Variants in FHIT observed in about 807,000 individuals in gnomAD.
The protein encoded by FHIT is fragile histidine triad diadenosine triphosphatase.
Under a neutral mutation model 17.9 loss-of-function variants are expected in FHIT, and 19 were observed. The ratio of observed to expected loss-of-function variants is 1.06; its 90% CI spans 0.74 to 1.56. The LOEUF is 1.56. Ranked by LOEUF, FHIT falls within the 40% of genes most tolerant of loss-of-function variation. The probability of loss-of-function intolerance (pLI) is 0.00; values close to 1 mark genes in which losing one functional copy is unlikely to be tolerated. For missense variants in FHIT, 248 were observed against 189.2 expected, an observed-to-expected ratio of 1.31 and a Z score of -1.82; for synonymous variants, 81 against 69.7, an observed-to-expected ratio of 1.16 and a Z score of -0.81.
At chr3:60,339,348 A>T (rs1046676199) in intron 5 of FHIT, among the ~76,000 whole-genome samples, 3 of 152,184 alleles carry the variant, frequency 2.0e-5, no homozygotes, top group African/African-American at 7.2e-5. Context: ...CTGAATCCAT[A>T]TCTGAAACAA....
intron 5 of FHIT, among the ~76,000 whole-genome samples, chr3:60,424,819 G>A (rs886414062): frequency 6.6e-6 from 1 of 152,100 alleles, no homozygotes; most frequent in Non-Finnish European, 1.5e-5. Context: ...CCATTGTGGG[G>A]TGTCATTTCT....
intron 4 of FHIT, among the ~76,000 whole-genome samples, chr3:60,574,667 C>G (rs1430743489): frequency 1.3e-5 from 2 of 152,104 alleles, no homozygotes; most frequent in African/African-American, 4.8e-5. Context: ...TCCAACGTAA[C>G]ACTTTGAAAC....
At chr3:60,014,777 T>A (rs79384463) in intron 5 of FHIT, among the ~76,000 whole-genome samples, 4,863 of 152,182 alleles carry the variant, frequency 0.032, 252 homozygotes, top group African/African-American at 0.11. Flanking sequence ...TTTTTTAGAA[T>A]CCAAAAGAAG....
chr3:60,953,363 C>G (rs1287347409), intron 3 of FHIT, among the ~76,000 whole-genome samples: 1 of 152,056 alleles, frequency 6.6e-6, no homozygotes, highest in Non-Finnish European at 1.5e-5. Context: ...TTCCAAGGCT[C>G]GAACTGGATT....
In FHIT at chr3:60,362,074, TA is replaced by T. The variant is rs200403965; in HGVS notation, c.103+174785del. Among the ~76,000 whole-genome samples, 36 of 151,614 alleles carry T rather than the reference TA, an allele frequency of 2.4e-4. 1 individual carries two copies. The highest frequency in any genetic ancestry group is 1.5e-3 in the Admixed American group (23 of 15,216). ...AATCTCAGTGTTTAATACTGAGATT[TA>T]AAAAAAAATAATTTTATTGTGTGCA... On this transcript the variant is annotated intron_variant, in intron 5 of 9. Transcript: ENST00000492590.
At chr3:59,913,761 T>C (rs1193671301) in intron 8 of FHIT, among the ~76,000 whole-genome samples, 1 of 152,180 alleles carries the variant, frequency 6.6e-6, no homozygotes, top group African/African-American at 2.4e-5. Flanking sequence ...TTTTCCCCCA[T>C]TTTAAATATG....
intron 4 of FHIT, among the ~76,000 whole-genome samples, chr3:60,757,574 C>A (rs1553718628): frequency 6.6e-6 from 1 of 152,100 alleles, no homozygotes; most frequent in East Asian, 1.9e-4. Context: ...ATGCTAAGAG[C>A]CGGTGAGGAC....
intron 4 of FHIT, among the ~76,000 whole-genome samples, chr3:60,720,014 C>T (rs375917125): frequency 4.6e-5 from 7 of 152,192 alleles, no homozygotes; most frequent in African/African-American, 1.4e-4. Context: ...TCAGAGCTTC[C>T]ATGAGCTCTC....
At chr3:60,844,509 T>A (rs1313312182) in intron 3 of FHIT, among the ~76,000 whole-genome samples, 1 of 152,080 alleles carries the variant, frequency 6.6e-6, no homozygotes, top group Non-Finnish European at 1.5e-5. Flanking sequence ...TTTCTATTTT[T>A]TTAAAAAAAA....
Position 59,809,184 on chromosome 3 carries a change from A to C in FHIT, c.349-56863T>G, listed in dbSNP as rs145093986. 1.4e-3 allele frequency among the ~76,000 whole-genome samples: 214 copies of C among 152,280 alleles called. 1 individual carries two copies. The highest frequency in any genetic ancestry group is 2.9e-3 in the African/African-American group (122 of 41,562). On this transcript the variant is annotated intron_variant, in intron 8 of 9. Coordinates refer to ENST00000492590, the MANE Select transcript of FHIT (RefSeq NM_002012.4). ...AGCCTCAGAATGTGACCTTATTTGG[A>C]AAGAGGTCTTGGGAGATGTTATTAG...
intron 4 of FHIT, among the ~76,000 whole-genome samples, chr3:60,647,832 G>A (rs2107801714): frequency 6.6e-6 from 1 of 152,294 alleles, no homozygotes; most frequent in South Asian, 2.1e-4. Flanking sequence ...AAAAGGATGG[G>A]AAAAGCTAGT....
chr3:60,991,845 T>C (rs6797228), intron 3 of FHIT, among the ~76,000 whole-genome samples: 3 of 151,786 alleles, frequency 2.0e-5, no homozygotes, highest in Admixed American at 1.3e-4. Context: ...AAGAGAAGCA[T>C]AAGGTAAAGC....
At chr3:60,426,142 T>C (rs1275701980) in intron 5 of FHIT, among the ~76,000 whole-genome samples, 1 of 152,086 alleles carries the variant, frequency 6.6e-6, no homozygotes, top group Non-Finnish European at 1.5e-5. Flanking sequence ...ACTTATAAGC[T>C]CATTGACCTT....
intron 8 of FHIT, among the ~76,000 whole-genome samples, chr3:59,921,990 T>C (rs1017417105): frequency 6.6e-6 from 1 of 152,204 alleles, no homozygotes; most frequent in African/African-American, 2.4e-5. Flanking sequence ...ACTAAAAGAA[T>C]CATATATCAA....
chr3:59,889,405 C>G (rs139089085), intron 8 of FHIT, among the ~76,000 whole-genome samples: 4 of 152,320 alleles, frequency 2.6e-5, no homozygotes, highest in African/African-American at 9.6e-5. Flanking sequence ...AATCATAATT[C>G]TAGCACACGT....
chr3:61,062,775 TAAAG>T (rs2034472498), intron 2 of FHIT, among the ~76,000 whole-genome samples: 1 of 152,120 alleles, frequency 6.6e-6, no homozygotes, highest in Non-Finnish European at 1.5e-5. Context: ...TTCTATCTCT[TAAAG>T]GAACAGAAAA....
At chr3:60,756,044 T>G (rs1553718185) in intron 4 of FHIT, among the ~76,000 whole-genome samples, 1 of 152,228 alleles carries the variant, frequency 6.6e-6, no homozygotes, top group Non-Finnish European at 1.5e-5. Flanking sequence ...ATATTTTTAC[T>G]TTGTAACCTT....
At chr3:61,135,092 G>A (rs2106970219) in intron 2 of FHIT, among the ~76,000 whole-genome samples, 1 of 152,274 alleles carries the variant, frequency 6.6e-6, no homozygotes, top group African/African-American at 2.4e-5. Flanking sequence ...TTTCACAGAG[G>A]GACTGTGAAA....
intron 5 of FHIT, among the ~76,000 whole-genome samples, chr3:60,160,930 T>C (rs1448200811): frequency 6.6e-6 from 1 of 152,152 alleles, no homozygotes; most frequent in Non-Finnish European, 1.5e-5. Flanking sequence ...CATTAAGAAA[T>C]TTTTAACTTT....
Sources: allele counts gnomAD v4.1 joint callset (sites outside exome capture counted in the v4.1 genomes callset), GRCh38; gene constraint gnomAD v4.1.1; transcripts MANE v1.5; gene names NCBI Gene and HGNC (gene_info 2026-07-23, HGNC 2026-07-21).